The following CDH13 variants were observed in gnomAD, a reference collection of about 807,000 sequenced individuals.
The protein encoded by CDH13 is cadherin 13, also known as cadherin-13.
A neutral mutation model predicts 63.8 loss-of-function variants in CDH13; 24 were observed. The observed-to-expected ratio is 0.38, with a 90% CI of 0.27 to 0.53. CDH13 has a LOEUF of 0.53. CDH13 is among the 20% of genes least tolerant of loss of function. The pLI is 0.85. For synonymous variants in CDH13, 503 were observed against 355.3 expected (o/e 1.42, Z -4.67); for missense variants, 1,049 against 903.1 (o/e 1.16, Z -2.07).
rs1904304065 is a variant in CDH13 at position 83,799,506 on chromosome 16, C to G, written c.*4476C>G. Reference sequence around the variant, plus strand: ...AGTTGCTGATTTTGTAAAGGTAGCCCATAAATCTGTTTACGTGTAGCTGCC... The same window carrying G: ...AGTTGCTGATTTTGTAAAGGTAGCCGATAAATCTGTTTACGTGTAGCTGCC... On this transcript the variant is annotated 3_prime_UTR_variant, in exon 14 of 14. Transcript: ENST00000567109. 6.6e-6 allele frequency: 1 copy of G among 151,936 alleles called. No individual in the cohort carries two copies. Among genetic ancestry groups the G allele is most frequent in the Non-Finnish European group, 1.5e-5 (1 of 68,012 alleles). The allele number at this position is 151,936 out of a possible 1,614,324, so 9.4% of individuals were successfully genotyped here. A position where few individuals can be genotyped will look rare whatever the true frequency, so the allele number is the denominator to read the frequency against.
At position 83,779,405 on chromosome 16, in the gene CDH13, TCAAAAAAAAAAA is replaced by T. The variant is rs1323771120; in HGVS notation, c.1682-562_1682-551del. Among the ~76,000 whole-genome samples the T allele has an allele frequency of 4.1e-4, 28 of 67,808 alleles. 2 individuals carry two copies. The highest frequency in any genetic ancestry group is 3.2e-3 in the South Asian group (5 of 1,584). 44.5% of individuals were successfully genotyped at this position (67,808 alleles called of 152,430 possible). On this transcript the variant is annotated intron_variant, in intron 11 of 13. Coordinates refer to ENST00000567109, the MANE Select transcript of CDH13 (RefSeq NM_001257.5). Reference sequence around the variant, plus strand: ...CCGGGCGACAGCGCGAGACTCCATCTCAAAAAAAAAAAAAAAAAAAAAAAAAAAAAAAAGTCT... The same window carrying T: ...CCGGGCGACAGCGCGAGACTCCATCTAAAAAAAAAAAAAAAAAAAAAGTCT...
intron 4 of CDH13, among the ~76,000 whole-genome samples, chr16:83,141,705 C>G (rs538924212): frequency 6.6e-6 from 1 of 152,124 alleles, no homozygotes; most frequent in Admixed American, 6.5e-5. Context: ...GTGTGATGTT[C>G]CCCTCCCTGT....
At chr16:83,619,110 G>A (rs1479670870) in intron 8 of CDH13, among the ~76,000 whole-genome samples, 1 of 152,210 alleles carries the variant, frequency 6.6e-6, no homozygotes, top group Non-Finnish European at 1.5e-5. Context: ...ATAACGTTAT[G>A]CTGTCGCTTT....
Position 82,927,138 on chromosome 16 carries a change from C to T in CDH13, c.157+68665C>T, listed in dbSNP as rs2042329469. On this transcript the variant is annotated intron_variant, in intron 2 of 13. Transcript: ENST00000567109. ...TGGCCTCTCCACGTGGCTGCTTGGG[C>T]TTCCTCACAGGATGGTAGGTGGTGC... is the stretch of plus-strand genomic sequence containing the variant. Among the ~76,000 whole-genome samples the T allele has an allele frequency of 1.3e-5, 2 of 152,210 alleles. 1 individual carries two copies. Among genetic ancestry groups the T allele is most frequent in the Admixed American group, 1.3e-4 (2 of 15,300 alleles).
chr16:83,442,333 A>G (rs2072502717), intron 6 of CDH13, among the ~76,000 whole-genome samples: 1 of 152,180 alleles, frequency 6.6e-6, no homozygotes. Context: ...AGATTTATCC[A>G]AGGACCTCCA....
chr16:83,489,142 G>C lies in CDH13; in HGVS notation c.960+2487G>C, dbSNP rs148263213. Among the ~76,000 whole-genome samples, 120 of 152,266 alleles carry C rather than the reference G, an allele frequency of 7.9e-4. 1 individual carries two copies. Among genetic ancestry groups the C allele is most frequent in the African/African-American group, 2.6e-3 (106 of 41,546 alleles). On this transcript the variant is annotated intron_variant, in intron 7 of 13. Coordinates refer to ENST00000567109, the MANE Select transcript of CDH13 (RefSeq NM_001257.5). ...CTCCGTTTCAGCTTCTCTTTGTTCT[G>C]AGAGAAAATATTTTATAAGTCTCTA...
intron 2 of CDH13, among the ~76,000 whole-genome samples, chr16:82,994,576 C>T (rs181378715): frequency 1.3e-5 from 2 of 152,298 alleles, no homozygotes; most frequent in East Asian, 3.9e-4. Flanking sequence ...TTAGAAAGAG[C>T]TGATATACTG....
At chr16:83,497,893 C>T (rs1445731559) in intron 7 of CDH13, among the ~76,000 whole-genome samples, 1 of 152,144 alleles carries the variant, frequency 6.6e-6, no homozygotes, top group Non-Finnish European at 1.5e-5. Context: ...TAATCATCAC[C>T]TTGAAGTTTG....
intron 1 of CDH13, among the ~76,000 whole-genome samples, chr16:82,817,115 A>G (rs979840275): frequency 2.0e-5 from 3 of 152,108 alleles, no homozygotes; most frequent in Non-Finnish European, 4.4e-5. Flanking sequence ...AGAACCCTGA[A>G]GTCCCATTCT....
chr16:83,449,865 C>A (rs2072834366), intron 6 of CDH13, among the ~76,000 whole-genome samples: 1 of 152,158 alleles, frequency 6.6e-6, no homozygotes, highest in Non-Finnish European at 1.5e-5. Flanking sequence ...GGAGCTCAGA[C>A]CACAGATTTG....
intron 4 of CDH13, among the ~76,000 whole-genome samples, chr16:83,177,464 A>T (rs969164346): frequency 7.9e-5 from 12 of 152,348 alleles, no homozygotes; most frequent in Admixed American, 7.8e-4. Context: ...ATCATGGCAT[A>T]TCCGCAAGCC....
At chr16:83,164,739 T>G (rs1483293284) in intron 4 of CDH13, among the ~76,000 whole-genome samples, 2 of 129,932 alleles carry the variant, frequency 1.5e-5, no homozygotes, top group South Asian at 2.3e-4. Flanking sequence ...AAAAAAAAAA[T>G]CATCGTTTTA....
intron 6 of CDH13, among the ~76,000 whole-genome samples, chr16:83,422,107 T>C (rs2071733118): frequency 6.6e-6 from 1 of 152,250 alleles, no homozygotes; most frequent in African/African-American, 2.4e-5. Flanking sequence ...TGTGGATTTA[T>C]AGTAGAACTA....
At chr16:83,339,843 TTAAACA>T (rs1256581738) in intron 5 of CDH13, among the ~76,000 whole-genome samples, 13 of 152,320 alleles carry the variant, frequency 8.5e-5, no homozygotes, top group African/African-American at 3.1e-4. Flanking sequence ...AAGTGCTGGT[TTAAACA>T]TAAATTCCTA....
chr16:82,656,210 G>A (rs1246639403), intron 1 of CDH13, among the ~76,000 whole-genome samples: 1 of 152,076 alleles, frequency 6.6e-6, no homozygotes, highest in Non-Finnish European at 1.5e-5. Flanking sequence ...TTCAAGCAGA[G>A]AATCAGTGGT....
At chr16:83,614,305 C>G (rs1909105800) in intron 8 of CDH13, among the ~76,000 whole-genome samples, 1 of 152,292 alleles carries the variant, frequency 6.6e-6, no homozygotes, top group African/African-American at 2.4e-5. Context: ...TTCCCTTCTC[C>G]TCGGATGCAG....
At chr16:83,784,630 T>TG (rs1597228724) in intron 13 of CDH13, among the ~76,000 whole-genome samples, 1 of 85,198 alleles carries the variant, frequency 1.2e-5, no homozygotes, top group African/African-American at 5.7e-5. Flanking sequence ...AGGCTCTGTC[T>TG]CAAAAAAAAA....
At chr16:83,034,667 T>TG (rs1194654106) in intron 3 of CDH13, among the ~76,000 whole-genome samples, 21 of 152,350 alleles carry the variant, frequency 1.4e-4, no homozygotes, top group Non-Finnish European at 2.6e-4. Flanking sequence ...TCTTCGTGAA[T>TG]GGTGGCTCAT....
intron 1 of CDH13, among the ~76,000 whole-genome samples, chr16:82,636,627 C>T (rs1908687615): frequency 6.6e-6 from 1 of 152,200 alleles, no homozygotes; most frequent in Admixed American, 6.5e-5. Flanking sequence ...TCTGCTTCAG[C>T]ATGTTGGGTG....
Sources: allele counts gnomAD v4.1 joint callset (sites outside exome capture counted in the v4.1 genomes callset), GRCh38; gene constraint gnomAD v4.1.1; transcripts MANE v1.5; gene names NCBI Gene and HGNC (gene_info 2026-07-23, HGNC 2026-07-21).